Variants in GRID2 observed in about 807,000 individuals in gnomAD.
GRID2 encodes the protein glutamate receptor ionotropic, delta-2.
A neutral mutation model predicts 114.8 loss-of-function variants in GRID2; 33 were observed. The observed-to-expected ratio is 0.29, with a 90% CI of 0.22 to 0.38. The LOEUF is 0.38. Ranked by LOEUF, GRID2 falls within the 10% of genes least tolerant of loss-of-function variation. The pLI is 1.00. For synonymous variants in GRID2, 505 were observed against 449.9 expected (o/e 1.12, Z -1.55); for missense variants, 1,184 against 1,257.7 (o/e 0.94, Z 0.89).
chr4:93,132,482 G>T (rs889680843), intron 4 of GRID2, among the ~76,000 whole-genome samples: 3 of 152,108 alleles, frequency 2.0e-5, no homozygotes, highest in Non-Finnish European at 4.4e-5. Context: ...CCTTTGTGCT[G>T]TCCACAATTA....
chr4:92,778,450 A>G (rs1003063505), intron 2 of GRID2, among the ~76,000 whole-genome samples: 1 of 152,120 alleles, frequency 6.6e-6, no homozygotes, highest in East Asian at 1.9e-4. Flanking sequence ...ATAAAAATAG[A>G]GACAACTAGT....
At chr4:93,809,718 G>C (rs1033459015) in exon 2 of GRID2, 1 of 152,064 alleles carries the variant, frequency 6.6e-6, no homozygotes, top group Non-Finnish European at 1.5e-5. Flanking sequence ...TTTCCTTCTT[G>C]CTATAAGTCA....
At chr4:93,136,006 T>C (rs1219480560) in intron 4 of GRID2, among the ~76,000 whole-genome samples, 1 of 152,216 alleles carries the variant, frequency 6.6e-6, no homozygotes, top group Admixed American at 6.5e-5. Context: ...ATACAAACTA[T>C]ATGCCACTAT....
At chr4:93,620,965 A>T (rs1742168882) in intron 13 of GRID2, among the ~76,000 whole-genome samples, 2 of 152,030 alleles carry the variant, frequency 1.3e-5, no homozygotes, top group African/African-American at 4.8e-5. Flanking sequence ...TGTTCATATG[A>T]TCCTTACCAT....
At chr4:93,131,774 C>G (rs1223847482) in intron 4 of GRID2, among the ~76,000 whole-genome samples, 1 of 152,006 alleles carries the variant, frequency 6.6e-6, no homozygotes, top group Non-Finnish European at 1.5e-5. Flanking sequence ...ATGTTGGAAA[C>G]ATTCCTGGTT....
chr4:93,633,405 CTT>C (rs994829779), intron 14 of GRID2, among the ~76,000 whole-genome samples: 7 of 152,058 alleles, frequency 4.6e-5, no homozygotes, highest in African/African-American at 1.7e-4. Context: ...CACTTTACCT[CTT>C]GTTTCCTACC....
At chr4:92,795,302 A>G (rs1191933841) in intron 2 of GRID2, among the ~76,000 whole-genome samples, 2 of 151,872 alleles carry the variant, frequency 1.3e-5, no homozygotes, top group Non-Finnish European at 2.9e-5. Flanking sequence ...TTCTAGTGAT[A>G]TTGAATACGT....
At chr4:93,044,709 A>C (rs1725958796) in intron 2 of GRID2, among the ~76,000 whole-genome samples, 1 of 152,160 alleles carries the variant, frequency 6.6e-6, no homozygotes, top group Admixed American at 6.6e-5. Flanking sequence ...AAGGTGCATA[A>C]GTGATCATTT....
At chr4:92,468,427 A>G (rs533924366) in intron 1 of GRID2, among the ~76,000 whole-genome samples, 1 of 152,144 alleles carries the variant, frequency 6.6e-6, no homozygotes, top group Non-Finnish European at 1.5e-5. Context: ...TGGTTTTATA[A>G]ATAATTACTT....
At chr4:92,832,166 A>G (rs898448044) in intron 2 of GRID2, among the ~76,000 whole-genome samples, 8 of 152,174 alleles carry the variant, frequency 5.3e-5, no homozygotes, top group African/African-American at 1.9e-4. Context: ...GAGACCGGGC[A>G]TGGTGGCTCA....
intron 2 of GRID2, among the ~76,000 whole-genome samples, chr4:93,058,318 C>G (rs1056946074): frequency 2.6e-5 from 4 of 151,928 alleles, no homozygotes; most frequent in African/African-American, 9.7e-5. Context: ...GGGGTCATAG[C>G]TATACTTTAC....
intron 14 of GRID2, among the ~76,000 whole-genome samples, chr4:93,743,894 A>G (rs1731620759): frequency 6.6e-6 from 1 of 152,124 alleles, no homozygotes; most frequent in African/African-American, 2.4e-5. Context: ...TCAATGCTTG[A>G]CTTCAGAGCT....
At chr4:93,016,549 C>G (rs1371556544) in intron 2 of GRID2, among the ~76,000 whole-genome samples, 1 of 152,066 alleles carries the variant, frequency 6.6e-6, no homozygotes, top group Non-Finnish European at 1.5e-5. Context: ...TCTGCCCATC[C>G]CCTCTCTGGG....
intron 2 of GRID2, among the ~76,000 whole-genome samples, chr4:92,641,316 C>T (rs1731337068): frequency 6.6e-6 from 1 of 151,258 alleles, no homozygotes; most frequent in African/African-American, 2.4e-5. Flanking sequence ...TTTTTTAGGA[C>T]AGGATCTTGC....
At chr4:93,763,877 A>T (rs944718950) in intron 14 of GRID2, among the ~76,000 whole-genome samples, 2 of 152,174 alleles carry the variant, frequency 1.3e-5, no homozygotes, top group Non-Finnish European at 2.9e-5. Context: ...GGTAACCAGT[A>T]ACCAGTAACT....
At chr4:92,766,862 A>G (rs1738294262) in intron 2 of GRID2, among the ~76,000 whole-genome samples, 1 of 152,192 alleles carries the variant, frequency 6.6e-6, no homozygotes, top group African/African-American at 2.4e-5. Context: ...TAGATGTAGA[A>G]TATCAGCTAG....
chr4:92,508,019 A>G (rs1245956616), intron 1 of GRID2, among the ~76,000 whole-genome samples: 3 of 151,978 alleles, frequency 2.0e-5, no homozygotes, highest in African/African-American at 7.2e-5. Context: ...TTAGGCAGAA[A>G]TATTCTATTT....
At chr4:92,796,594 A>G (rs939295921) in intron 2 of GRID2, among the ~76,000 whole-genome samples, 3 of 151,754 alleles carry the variant, frequency 2.0e-5, no homozygotes, top group Admixed American at 6.6e-5. Context: ...TTTTCAGAAT[A>G]TATATATATT....
chr4:93,800,551 A>G (rs1374633313), intron 1 of GRID2, among the ~76,000 whole-genome samples: 1 of 152,196 alleles, frequency 6.6e-6, no homozygotes, highest in Non-Finnish European at 1.5e-5. Context: ...TATTTAAATA[A>G]AAAGGCCCCC....
Sources: allele counts gnomAD v4.1 joint callset (sites outside exome capture counted in the v4.1 genomes callset), GRCh38; gene constraint gnomAD v4.1.1; transcripts MANE v1.5; gene names NCBI Gene and HGNC (gene_info 2026-07-23, HGNC 2026-07-21).